The following ATXN7L1 variants were observed in gnomAD, a reference collection of about 807,000 sequenced individuals.
ATXN7L1 encodes the protein ataxin 7 like 1.
In ATXN7L1, 15 loss-of-function variants were observed where a neutral mutation model predicts 70.8. The ratio of observed to expected loss-of-function variants is 0.21; its 90% confidence interval spans 0.14 to 0.33. The LOEUF (loss-of-function observed/expected upper bound fraction) is 0.33. Ranked by LOEUF, ATXN7L1 falls within the 10% of genes least tolerant of loss-of-function variation. The pLI, the probability that ATXN7L1 is intolerant of heterozygous loss-of-function variation, is 1.00. For missense variants in ATXN7L1, 975 were observed against 1,097.1 expected (o/e 0.89, Z 1.57); for synonymous variants, 440 against 445.1 (o/e 0.99, Z 0.14).
At chr7:105,636,778 T>A (rs1206253475) in intron 7 of ATXN7L1, among the ~76,000 whole-genome samples, 2 of 152,168 alleles carry the variant, frequency 1.3e-5, no homozygotes, top group Non-Finnish European at 2.9e-5. Flanking sequence ...CCCAAGGATA[T>A]CCTTGAGAGG....
At chr7:105,634,225 T>A (rs1797038817) in intron 7 of ATXN7L1, among the ~76,000 whole-genome samples, 1 of 152,168 alleles carries the variant, frequency 6.6e-6, no homozygotes, top group East Asian at 1.9e-4. Flanking sequence ...CCGTACTACA[T>A]CACCCGTCCC....
chr7:105,872,904 C>T (rs1006294550), intron 2 of ATXN7L1, among the ~76,000 whole-genome samples: 22 of 151,498 alleles, frequency 1.5e-4, no homozygotes, highest in African/African-American at 5.3e-4. Flanking sequence ...CCTGTAATCC[C>T]AGCACTTTGG....
At chr7:105,654,295 A>G (rs1454356372) in intron 4 of ATXN7L1, among the ~76,000 whole-genome samples, 1 of 152,278 alleles carries the variant, frequency 6.6e-6, no homozygotes, top group Non-Finnish European at 1.5e-5. Context: ...ACAAAGGTGA[A>G]GTGTCCGCTC....
intron 11 of ATXN7L1, 118 bp downstream of exon 11, chr7:105,610,411 G>T: frequency 2.2e-6 from 2 of 908,418 alleles, no homozygotes; most frequent in Non-Finnish European, 3.4e-6. Flanking sequence ...AAGCCAGGTA[G>T]CCATGCTCTT....
rs145526664 is a variant in ATXN7L1 at position 105,646,609 on chromosome 7, G to A, written c.579-3488C>T. Among the ~76,000 whole-genome samples, 46 of 152,010 alleles carry A rather than the reference G, an allele frequency of 3.0e-4. No individual in the cohort carries two copies. In the East Asian group the frequency reaches 8.9e-3, roughly 29 times the overall value. On this transcript the variant is annotated intron_variant, in intron 4 of 11. Coordinates refer to ENST00000419735, the MANE Select transcript of ATXN7L1 (RefSeq NM_020725.2). ...ATTTTTGTACTTTTAGTAGAGATGGGGTTTCACCATGTTGGCCAGGCTGGT... is the reference window on the plus strand; with the variant it reads ...ATTTTTGTACTTTTAGTAGAGATGGAGTTTCACCATGTTGGCCAGGCTGGT...
At chr7:105,706,173 G>GTTTTTGT (rs1347689037) in intron 3 of ATXN7L1, among the ~76,000 whole-genome samples, 1 of 151,702 alleles carries the variant, frequency 6.6e-6, no homozygotes, top group Non-Finnish European at 1.5e-5. Context: ...CATCATAGTT[G>GTTTTTGT]TTTTTGTTTT....
At chr7:105,626,501 A>G (rs1795713968) in intron 7 of ATXN7L1, among the ~76,000 whole-genome samples, 2 of 152,370 alleles carry the variant, frequency 1.3e-5, no homozygotes, top group African/African-American at 4.8e-5. Flanking sequence ...ATATTTTACT[A>G]TAAAAACAAA....
chr7:105,674,366 G>A (rs916087939), intron 3 of ATXN7L1, among the ~76,000 whole-genome samples: 1 of 152,122 alleles, frequency 6.6e-6, no homozygotes, highest in African/African-American at 2.4e-5. Context: ...TATATATCAG[G>A]CACTGTGTAA....
chr7:105,685,043 TGATAA>T (rs1465950046), intron 3 of ATXN7L1, among the ~76,000 whole-genome samples: 1 of 102,648 alleles, frequency 9.7e-6, no homozygotes, highest in Non-Finnish European at 2.0e-5. Flanking sequence ...AGAGAAGAGA[TGATAA>T]TAATAATAAT....
chr7:105,657,879 A>G (rs888330748), intron 4 of ATXN7L1, among the ~76,000 whole-genome samples: 1 of 152,200 alleles, frequency 6.6e-6, no homozygotes, highest in Non-Finnish European at 1.5e-5. Context: ...GTGTCAATCT[A>G]TTTTATAACC....
intron 2 of ATXN7L1, among the ~76,000 whole-genome samples, chr7:105,871,275 G>C (rs997242249): frequency 3.3e-5 from 5 of 151,928 alleles, no homozygotes; most frequent in Non-Finnish European, 7.4e-5. Flanking sequence ...ACTTCCAAAG[G>C]GCATAGATCA....
chr7:105,608,307 G>C (rs1470007226), intron 11 of ATXN7L1, among the ~76,000 whole-genome samples: 2 of 152,240 alleles, frequency 1.3e-5, no homozygotes, highest in Non-Finnish European at 2.9e-5. Flanking sequence ...AGGCTCTGGA[G>C]AGAGAGATTT....
At chr7:105,788,906 C>G (rs1311833439) in intron 2 of ATXN7L1, among the ~76,000 whole-genome samples, 198 bp from the exon 3 acceptor site, 1 of 152,202 alleles carries the variant, frequency 6.6e-6, no homozygotes, top group Non-Finnish European at 1.5e-5. Context: ...CAGAGAATCC[C>G]TCCTTATTTC....
At chr7:105,829,920 C>T (rs1024488343) in intron 2 of ATXN7L1, among the ~76,000 whole-genome samples, 8 of 152,114 alleles carry the variant, frequency 5.3e-5, no homozygotes, top group Admixed American at 3.9e-4. Flanking sequence ...TAAAACATTC[C>T]CTGCAGGAAA....
At chr7:105,647,292 A>G (rs572746967) in intron 4 of ATXN7L1, among the ~76,000 whole-genome samples, 1 of 152,340 alleles carries the variant, frequency 6.6e-6, no homozygotes, top group South Asian at 2.1e-4. Flanking sequence ...TCAGGCCTTC[A>G]GCAGACAAAG....
chr7:105,739,700 A>G (rs1284380431), intron 3 of ATXN7L1, among the ~76,000 whole-genome samples: 2 of 152,236 alleles, frequency 1.3e-5, no homozygotes, highest in Non-Finnish European at 2.9e-5. Flanking sequence ...CAGAAAATAC[A>G]CATTCCTGGA....
chr7:105,608,282 T>C (rs752608870), intron 11 of ATXN7L1, among the ~76,000 whole-genome samples: 1 of 152,220 alleles, frequency 6.6e-6, no homozygotes, highest in Non-Finnish European at 1.5e-5. Flanking sequence ...GATTCTAGTG[T>C]TGGGTTAAAC....
chr7:105,805,226 A>C (rs1807390914), intron 2 of ATXN7L1, among the ~76,000 whole-genome samples: 1 of 152,246 alleles, frequency 6.6e-6, no homozygotes, highest in East Asian at 1.9e-4. Context: ...GGGAGCCATG[A>C]GCTCTGGCTA....
At chr7:105,611,019 C>T (rs771314178) in intron 10 of ATXN7L1, among the ~76,000 whole-genome samples, 2 of 152,372 alleles carry the variant, frequency 1.3e-5, no homozygotes, top group South Asian at 2.1e-4. Flanking sequence ...TTGTTTCCAG[C>T]CCAGACTCCC....
Sources: gnomAD v4.1 joint callset for allele counts (sites outside exome capture counted in the v4.1 genomes callset) on GRCh38, gnomAD v4.1.1 for gene constraint, MANE v1.5 for transcripts, NCBI Gene and HGNC (gene_info 2026-07-23, HGNC 2026-07-21) for gene names.